The following ZBTB7C variants were observed in gnomAD, a reference collection of about 807,000 sequenced individuals.
ZBTB7C encodes zinc finger and BTB domain containing 7C, also known as zinc finger and BTB domain-containing protein 7C.
Under a neutral mutation model 25.7 loss-of-function variants are expected in ZBTB7C, and 8 were observed. The observed-to-expected ratio is 0.31, with a 90% CI of 0.18 to 0.56. The LOEUF (loss-of-function observed/expected upper bound fraction) is 0.56. Among genes scored for constraint, ZBTB7C ranks in the 20% least tolerant of loss-of-function variants. The pLI is 0.91. For synonymous variants in ZBTB7C, 394 were observed against 369.0 expected (o/e 1.07, Z -0.78); for missense variants, 824 against 855.2 (o/e 0.96, Z 0.46).
At chr18:48,169,522 TG>T (rs1472995373) in intron 3 of ZBTB7C, among the ~76,000 whole-genome samples, 1 of 152,112 alleles carries the variant, frequency 6.6e-6, no homozygotes, top group Non-Finnish European at 1.5e-5. Context: ...ACAGAATGAA[TG>T]AAGGAAACTA....
At chr18:48,321,621 G>C (rs759389036) in intron 2 of ZBTB7C, among the ~76,000 whole-genome samples, 2 of 152,134 alleles carry the variant, frequency 1.3e-5, no homozygotes, top group Non-Finnish European at 2.9e-5. Context: ...CGAGGACTTG[G>C]AATGCATTTT....
At chr18:48,038,625 C>T (rs1247889250) in intron 4 of ZBTB7C, among the ~76,000 whole-genome samples, 1 of 151,042 alleles carries the variant, frequency 6.6e-6, no homozygotes, top group Non-Finnish European at 1.5e-5. Flanking sequence ...TGCACTGTGT[C>T]CTTGGGCCAA....
At chr18:48,076,880 T>A (rs2144445193) in intron 3 of ZBTB7C, 1 of 946,474 alleles carries the variant, frequency 1.1e-6, no homozygotes, top group South Asian at 4.9e-5. Flanking sequence ...CGAACCATGA[T>A]CCCTTTTCCA....
chr18:48,168,753 T>C (rs2041357803), intron 3 of ZBTB7C, among the ~76,000 whole-genome samples: 1 of 152,204 alleles, frequency 6.6e-6, no homozygotes, highest in African/African-American at 2.4e-5. Flanking sequence ...AATGTTCTAG[T>C]TTATATTTTC....
At chr18:48,277,221 G>A (rs2044687486) in intron 2 of ZBTB7C, among the ~76,000 whole-genome samples, 1 of 145,326 alleles carries the variant, frequency 6.9e-6, no homozygotes, top group East Asian at 2.0e-4. Flanking sequence ...CCTACAAAAT[G>A]GGAGAAAATT....
At chr18:48,076,907 C>G in intron 3 of ZBTB7C, 1 of 982,434 alleles carries the variant, frequency 1.0e-6, no homozygotes, top group South Asian at 4.7e-5. Context: ...CGAATTCAAT[C>G]AAGGAAGAAG....
chr18:48,250,247 C>A (rs773086219), intron 2 of ZBTB7C, among the ~76,000 whole-genome samples: 7 of 152,176 alleles, frequency 4.6e-5, no homozygotes, highest in Non-Finnish European at 1.0e-4. Flanking sequence ...AGAATATTTT[C>A]TTTCCCATCT....
At chr18:48,261,482 C>G (rs1258682211) in intron 2 of ZBTB7C, among the ~76,000 whole-genome samples, 1 of 152,150 alleles carries the variant, frequency 6.6e-6, no homozygotes, top group African/African-American at 2.4e-5. Flanking sequence ...CTTGGCGCTG[C>G]CGGAACTATG....
chr18:48,387,692 C>T (rs2047780754), intron 1 of ZBTB7C, among the ~76,000 whole-genome samples: 3 of 152,214 alleles, frequency 2.0e-5, no homozygotes, highest in South Asian at 2.1e-4. Context: ...CCTGCATGCA[C>T]ACAGCAAGGG....
chr18:48,126,234 C>A (rs2144746189), intron 3 of ZBTB7C, among the ~76,000 whole-genome samples: 1 of 152,262 alleles, frequency 6.6e-6, no homozygotes, highest in African/African-American at 2.4e-5. Flanking sequence ...TCTTCACTAT[C>A]ATTGGTAAGT....
intron 3 of ZBTB7C, among the ~76,000 whole-genome samples, chr18:48,146,336 T>C (rs1408686775): frequency 6.6e-6 from 1 of 152,216 alleles, no homozygotes; most frequent in Non-Finnish European, 1.5e-5. Flanking sequence ...AATTAAGCAA[T>C]AGATATTAAT....
chr18:48,351,611 C>T (rs182365665), intron 1 of ZBTB7C, among the ~76,000 whole-genome samples: 5 of 152,354 alleles, frequency 3.3e-5, no homozygotes, highest in Admixed American at 2.6e-4. Context: ...CGTTTTCCTG[C>T]TCTTAATCCA....
chr18:48,137,095 G>A (rs2040195213), intron 3 of ZBTB7C: 1 of 985,468 alleles, frequency 1.0e-6, no homozygotes, highest in Non-Finnish European at 1.2e-6. Flanking sequence ...CGGCCGCGCT[G>A]CTCGCGGGAG....
At chr18:48,335,295 G>A (rs2046435180) in intron 2 of ZBTB7C, among the ~76,000 whole-genome samples, 1 of 152,230 alleles carries the variant, frequency 6.6e-6, no homozygotes. Context: ...ATTACTTCTT[G>A]AAATTGATCG....
chr18:48,091,403 T>C (rs2038411691), intron 3 of ZBTB7C, among the ~76,000 whole-genome samples: 1 of 152,076 alleles, frequency 6.6e-6, no homozygotes, highest in Non-Finnish European at 1.5e-5. Context: ...TTTTGAGATG[T>C]ATCAATAATA....
intron 4 of ZBTB7C, among the ~76,000 whole-genome samples, chr18:48,036,641 T>G (rs1290818268): frequency 6.6e-6 from 1 of 152,148 alleles, no homozygotes; most frequent in Non-Finnish European, 1.5e-5. Context: ...GCAGCATGTC[T>G]GGGTCCTTGC....
intron 2 of ZBTB7C, among the ~76,000 whole-genome samples, chr18:48,333,590 C>T (rs1436974343): frequency 6.6e-6 from 1 of 152,086 alleles, no homozygotes; most frequent in African/African-American, 2.4e-5. Flanking sequence ...TTTGTGACAC[C>T]CCCCTCTGCA....
At chr18:48,236,620 C>G (rs1427383229) in intron 2 of ZBTB7C, among the ~76,000 whole-genome samples, 1 of 152,054 alleles carries the variant, frequency 6.6e-6, no homozygotes, top group African/African-American at 2.4e-5. Context: ...ACTGGCAGAC[C>G]CTCCTAAAGC....
rs368957365 is a variant in ZBTB7C at position 48,045,481 on chromosome 18, C to T, written c.-16-4358G>A. On this transcript the variant is annotated intron_variant, in intron 3 of 4. Transcript: ENST00000590800. ...TGGTCACCTGGATGGACTGAGTGGCCACAATGCTCCCCTCCAATGTGCCCT... is the reference window on the plus strand; with the variant it reads ...TGGTCACCTGGATGGACTGAGTGGCTACAATGCTCCCCTCCAATGTGCCCT... Among the ~76,000 whole-genome samples the T allele has an allele frequency of 9.8e-5, 15 of 152,316 alleles. No individual in the cohort carries two copies. In the East Asian group the frequency reaches 2.7e-3, roughly 27 times the overall value.
Sources: allele counts gnomAD v4.1 joint callset (sites outside exome capture counted in the v4.1 genomes callset), GRCh38; gene constraint gnomAD v4.1.1; transcripts MANE v1.5; gene names NCBI Gene and HGNC (gene_info 2026-07-23, HGNC 2026-07-21).